Variants in HMGA2 observed in about 807,000 individuals in gnomAD.
The protein encoded by HMGA2 is high mobility group AT-hook 2.
Under a neutral mutation model 19.1 loss-of-function variants are expected in HMGA2, and 8 were observed. That is an observed-to-expected ratio of 0.42 (90% CI 0.25 to 0.76). The LOEUF (loss-of-function observed/expected upper bound fraction) is 0.76. Ranked by LOEUF, HMGA2 falls within the 30% of genes least tolerant of loss-of-function variation. The probability of loss-of-function intolerance (pLI) is 0.28; values close to 1 mark genes in which losing one functional copy is unlikely to be tolerated. For synonymous variants in HMGA2, 60 were observed against 48.8 expected (o/e 1.23, Z -0.96); for missense variants, 109 against 136.3 (o/e 0.80, Z 1.00).
chr12:65,867,079 G>GC, intron 3 of HMGA2: 1 of 381,524 alleles, frequency 2.6e-6, no homozygotes, highest in South Asian at 2.0e-5. Context: ...GAAATGGCAA[G>GC]AGGTACATGA....
rs908031489 is a variant in HMGA2 at position 65,825,596 on chromosome 12, C to A, written c.111+215C>A. Reference sequence around the variant, plus strand: ...CGGGCGGGGAGGTGGGGAGCCGCGGCGGGCGGCCCGGGGAAGGCGGGAGGT... The same window carrying A: ...CGGGCGGGGAGGTGGGGAGCCGCGGAGGGCGGCCCGGGGAAGGCGGGAGGT... On this transcript the variant is annotated intron_variant, in intron 1 of 4. Coordinates refer to ENST00000403681, the MANE Select transcript of HMGA2 (RefSeq NM_003483.6). This position sits in a 1 kb window ranked among gnomAD's most constrained non-coding sequence, Gnocchi z 4.4. Among the ~76,000 whole-genome samples the A allele has an allele frequency of 1.1e-4, 17 of 151,272 alleles. No individual in the cohort carries two copies. Among genetic ancestry groups the A allele is most frequent in the Non-Finnish European group, 2.5e-4 (17 of 67,754 alleles).
chr12:65,910,971 C>T (rs934366405), intron 3 of HMGA2, among the ~76,000 whole-genome samples: 1 of 152,180 alleles, frequency 6.6e-6, no homozygotes, highest in African/African-American at 2.4e-5. Flanking sequence ...CTTCCTTCCA[C>T]CCCATTCTCT....
intron 3 of HMGA2, chr12:65,842,294 T>G: frequency 1.7e-6 from 1 of 592,234 alleles, no homozygotes; most frequent in Non-Finnish European, 3.1e-6. Flanking sequence ...AATGAGATAA[T>G]GCATGCAAAG....
intron 3 of HMGA2, among the ~76,000 whole-genome samples, chr12:65,894,318 A>G (rs1043425897): frequency 6.6e-6 from 1 of 152,114 alleles, no homozygotes; most frequent in Non-Finnish European, 1.5e-5. Flanking sequence ...TTCTTTGATG[A>G]TCTATTTTCC....
At chr12:65,897,000 G>A (rs1238654181) in intron 3 of HMGA2, among the ~76,000 whole-genome samples, 1 of 152,328 alleles carries the variant, frequency 6.6e-6, no homozygotes, top group East Asian at 1.9e-4. Flanking sequence ...CTTCTCAAAA[G>A]AATGCAAAAA....
intron 3 of HMGA2, among the ~76,000 whole-genome samples, chr12:65,875,998 G>T (rs1381809605): frequency 6.6e-6 from 1 of 152,012 alleles, no homozygotes; most frequent in Non-Finnish European, 1.5e-5. Flanking sequence ...CATTCAACTA[G>T]ACTGAACTTG....
intron 3 of HMGA2, among the ~76,000 whole-genome samples, chr12:65,925,017 A>G (rs1241049084): frequency 6.6e-6 from 1 of 152,152 alleles, no homozygotes; most frequent in African/African-American, 2.4e-5. Context: ...CAGCCCTTGA[A>G]AATGCCCAGA....
At chr12:65,959,340 C>T (rs1469579027) in intron 4 of HMGA2, among the ~76,000 whole-genome samples, 2 of 152,168 alleles carry the variant, frequency 1.3e-5, no homozygotes, top group East Asian at 1.9e-4. Flanking sequence ...CAATGAGTTA[C>T]ATTTATCAAA....
intron 3 of HMGA2, among the ~76,000 whole-genome samples, chr12:65,943,650 G>A (rs1422237741): frequency 6.6e-6 from 1 of 152,150 alleles, no homozygotes; most frequent in East Asian, 1.9e-4. Flanking sequence ...ACAATACCAA[G>A]CAGAAATTCC....
intron 3 of HMGA2, chr12:65,915,337 A>C: frequency 7.3e-7 from 1 of 1,372,166 alleles, no homozygotes; most frequent in Non-Finnish European, 9.5e-7. Context: ...GCTACCCCAT[A>C]TGGCACCCTT....
At chr12:65,854,949 G>A (rs1871657201) in intron 3 of HMGA2, among the ~76,000 whole-genome samples, 1 of 152,168 alleles carries the variant, frequency 6.6e-6, no homozygotes, top group Admixed American at 6.5e-5. Flanking sequence ...AAAATCATAG[G>A]TGGGCTTTGC....
At chr12:65,884,255 C>G in intron 3 of HMGA2, among the ~76,000 whole-genome samples, 1 of 152,140 alleles carries the variant, frequency 6.6e-6, no homozygotes, top group East Asian at 1.9e-4. Flanking sequence ...TGAGCAGTTA[C>G]ATGATATTTG....
At chr12:65,906,377 A>G (rs1378432532) in intron 3 of HMGA2, among the ~76,000 whole-genome samples, 1 of 152,154 alleles carries the variant, frequency 6.6e-6, no homozygotes, top group African/African-American at 2.4e-5. Flanking sequence ...ATTTGTTGCC[A>G]TTTTATGTGA....
At chr12:65,889,730 A>G (rs979516052) in intron 3 of HMGA2, among the ~76,000 whole-genome samples, 4 of 152,208 alleles carry the variant, frequency 2.6e-5, no homozygotes, top group African/African-American at 7.2e-5. Flanking sequence ...TCTCACAGCA[A>G]CTCAGTGCGG....
Position 65,936,256 on chromosome 12 carries a change from C to T in HMGA2, c.250-15127C>T, listed in dbSNP as rs553605633. Reference sequence around the variant, plus strand: ...TTACAAGAATGTGGGGGGAGGATATCCCTATCCACAAATCAAGTACTTTAA... The same window carrying T: ...TTACAAGAATGTGGGGGGAGGATATTCCTATCCACAAATCAAGTACTTTAA... On this transcript the variant is annotated intron_variant, in intron 3 of 4. Transcript: ENST00000403681. 2.0e-5 allele frequency among the ~76,000 whole-genome samples: 3 copies of T among 147,964 alleles called. No individual in the cohort carries two copies. In the East Asian group the frequency reaches 5.9e-4, roughly 29 times the overall value.
chr12:65,894,611 A>T (rs1438326424), intron 3 of HMGA2, among the ~76,000 whole-genome samples: 1 of 152,248 alleles, frequency 6.6e-6, no homozygotes, highest in East Asian at 1.9e-4. Context: ...AAAATGCATC[A>T]GGAAAGTATG....
At chr12:65,952,676 C>T in intron 4 of HMGA2, 1 of 362,624 alleles carries the variant, frequency 2.8e-6, no homozygotes, top group Non-Finnish European at 4.8e-6. Flanking sequence ...ATTAGGAGAA[C>T]CCAAATATAT....
chr12:65,836,160 C>G (rs937673238), intron 2 of HMGA2, among the ~76,000 whole-genome samples: 1 of 151,970 alleles, frequency 6.6e-6, no homozygotes, highest in Non-Finnish European at 1.5e-5. Context: ...GAGATCGAGA[C>G]CATCCTGGCT....
intron 3 of HMGA2, chr12:65,856,606 C>T (rs1871755483): frequency 1.3e-5 from 2 of 152,304 alleles, no homozygotes; most frequent in Non-Finnish European, 2.9e-5. Flanking sequence ...GTGCCACAAA[C>T]TTGGGTGCTT....
Sources: allele counts gnomAD v4.1 joint callset (sites outside exome capture counted in the v4.1 genomes callset), GRCh38; gene constraint gnomAD v4.1.1; non-coding constraint Gnocchi (gnomAD v3.1); transcripts MANE v1.5; gene names NCBI Gene and HGNC (gene_info 2026-07-23, HGNC 2026-07-21).